Variants in CYGB observed in about 807,000 individuals in gnomAD.
CYGB encodes the protein histoglobin.
Under a neutral mutation model 20.7 loss-of-function variants are expected in CYGB, and 13 were observed. The ratio of observed to expected loss-of-function variants is 0.63; its 90% CI spans 0.41 to 1.00. CYGB has a LOEUF of 1.00. CYGB is among the 50% of genes least tolerant of loss of function. CYGB has a pLI of 0.00. For synonymous variants in CYGB, 93 were observed against 107.4 expected (o/e 0.87, Z 0.83); for missense variants, 218 against 257.2 (o/e 0.85, Z 1.04).
rs1315093720 is a variant in CYGB at position 76,546,072 on chromosome 17, G to C, written c.-53+4790C>G. The C allele has an allele frequency of 6.6e-6, 1 of 152,526 alleles. No individual in the cohort carries two copies. Among genetic ancestry groups the C allele is most frequent in the African/African-American group, 2.4e-5 (1 of 41,450 alleles). 9.4% of individuals were successfully genotyped at this position (152,526 alleles called of 1,614,324 possible). ...ACCTGGACAGCGCCACTCCCAGCTG[G>C]CTCTGCTTCCGGAATGAACCTCAGC... On this transcript the variant is annotated intron_variant, in intron 1 of 3. Coordinates refer to the CYGB transcript ENST00000589145. This position sits in a 1 kb window ranked among gnomAD's most constrained non-coding sequence, Gnocchi z 4.5.
chr17:76,538,473 A>G, upstream of CYGB: 1 of 465,342 alleles, frequency 2.1e-6, no homozygotes, highest in South Asian at 1.6e-5. Flanking sequence ...GGCGGCGGCC[A>G]GAAGTCCCCC....
Position 76,531,089 on chromosome 17 carries a change from G to C in CYGB, c.429C>G (p.Phe143Leu). ...EVVAEEFASD[F>L]PPETQRAWAK... ...CCCAGGCTCTCTGCGTCTCAGGTGGGAAGTCACTGGCAAATTCCTCGGCGA... is the reference window on the plus strand; with the variant it reads ...CCCAGGCTCTCTGCGTCTCAGGTGGCAAGTCACTGGCAAATTCCTCGGCGA... Residue 143 changes from phenylalanine (F) to leucine (L), a missense_variant, in exon 3 of 4, where the codon TTC (phenylalanine) becomes TTG (leucine). Physicochemically the swap from Phe to Leu is conservative, Grantham distance 22 (BLOSUM62 0). Around this residue, in one of 2 missense-constraint regions of CYGB, gnomAD observed 66 missense variants for 107.4 expected, o/e 0.61. Coordinates refer to ENST00000293230, the MANE Select transcript of CYGB (RefSeq NM_134268.5). This position sits in a 1 kb window ranked among gnomAD's most constrained non-coding sequence, Gnocchi z 7.4. 1 of 1,613,756 alleles carries C rather than the reference G, an allele frequency of 6.2e-7. No individual in the cohort carries two copies. Among genetic ancestry groups the C allele is most frequent in the Non-Finnish European group, 8.5e-7 (1 of 1,179,944 alleles).
chr17:76,544,683 C>T (rs1482069542), intron 1 of CYGB: 2 of 456,664 alleles, frequency 4.4e-6, no homozygotes, highest in African/African-American at 4.0e-5. Context: ...ACAGGCCTGT[C>T]AGGCTGAGGG....
Position 76,527,762 on chromosome 17 carries a change from C to T in CYGB, c.*816G>A, listed in dbSNP as rs961795014. The T allele has an allele frequency of 1.1e-5, 5 of 453,928 alleles. No homozygotes were observed. The highest frequency in any genetic ancestry group is 4.0e-5 in the African/African-American group (2 of 49,986). The allele number at this position is 453,928 out of a possible 1,614,324, so 28.1% of individuals were successfully genotyped here. ...GGAGCTAGCGGTCGAGGTTTCTGGA[C>T]TGAGGCCCCTCCCCCAGTGCGGTCA... On this transcript the variant is annotated 3_prime_UTR_variant, in exon 4 of 4. Coordinates refer to ENST00000293230, the MANE Select transcript of CYGB (RefSeq NM_134268.5).
chr17:76,547,643 TCACA>T (rs56118010), intron 1 of CYGB, among the ~76,000 whole-genome samples: 50,346 of 149,702 alleles, frequency 0.34, 10,315 homozygotes, highest in African/African-American at 0.59. Context: ...ACACACACAT[TCACA>T]CACACACACA....
chr17:76,539,059 C>T (rs150573334), upstream of CYGB, among the ~76,000 whole-genome samples: 1,419 of 152,340 alleles, frequency 9.3e-3, 16 homozygotes, highest in African/African-American at 0.032. Flanking sequence ...TGAGGCAGTG[C>T]CTCTGACACT....
At position 76,527,539 on chromosome 17, in the gene CYGB, C is replaced by CA. The variant is rs1341617272; in HGVS notation, c.*1038dup. On this transcript the variant is annotated 3_prime_UTR_variant, in exon 4 of 4. Transcript: ENST00000293230. Reference sequence around the variant, plus strand: ...CATCCTTGAAGACGACACACGTGACCAAGGGGCACACACGGGGGGCCCCCC... The same window carrying CA: ...CATCCTTGAAGACGACACACGTGACCAAAGGGGCACACACGGGGGGCCCCCC... 2.3e-6 allele frequency: 1 copy of CA among 441,748 alleles called. No homozygotes were observed. The highest frequency in any genetic ancestry group is 4.6e-6 in the Non-Finnish European group (1 of 217,138). 27.4% of individuals were successfully genotyped at this position (441,748 alleles called of 1,614,324 possible). A position where few individuals can be genotyped will look rare whatever the true frequency, so the allele number is the denominator to read the frequency against.
At chr17:76,543,453 C>A (rs1034406035) in intron 1 of CYGB, 1 of 339,954 alleles carries the variant, frequency 2.9e-6, no homozygotes, top group South Asian at 2.3e-5. Context: ...GGCTTCCATT[C>A]ATTCTGTAAT....
upstream of CYGB, among the ~76,000 whole-genome samples, chr17:76,538,846 G>C (rs373260750): frequency 3.3e-5 from 5 of 152,370 alleles, no homozygotes; most frequent in South Asian, 2.1e-4. Context: ...GGCTCCCGGC[G>C]ACCCCTGTCC....
upstream of CYGB, chr17:76,538,113 C>T (rs2074943564): frequency 6.5e-6 from 1 of 154,182 alleles, no homozygotes; most frequent in Non-Finnish European, 1.4e-5. Flanking sequence ...ACCCTTCCCG[C>T]GGCGGGGAAC....
In CYGB at chr17:76,528,813, G is replaced by T; in HGVS notation, c.540-202C>A. 9.0e-7 allele frequency: 1 copy of T among 1,116,966 alleles called. No individual in the cohort carries two copies. The highest frequency in any genetic ancestry group is 1.1e-6 in the Non-Finnish European group (1 of 880,578). The allele number at this position is 1,116,966 out of a possible 1,614,324, so 69.2% of individuals were successfully genotyped here. On this transcript the variant is annotated intron_variant, in intron 3 of 3. Transcript: ENST00000293230. This position sits in a 1 kb window ranked among gnomAD's most constrained non-coding sequence, Gnocchi z 5.8. The stretch of plus-strand genomic sequence containing the variant: ...CTGTGTGATCTCAGGCAAGTCTACT[G>T]GCCCATGGGAGCTCCGGATCTTTTT...
chr17:76,537,489 C>T lies in CYGB; in HGVS notation c.54G>A (p.Glu18=). Residue 18 remains glutamate, a synonymous_variant, in exon 1 of 4, where the codon GAG becomes GAA. Transcript: ENST00000293230. The part of the protein sequence containing the change: ...MEIERRERSE[E]LSEAERKAVQ... ...CCGCCTTCCTCTCCGCCTCGGACAGCTCCTCGCTCCGCTCCCTGCGCTCGA... is the reference window on the plus strand; with the variant it reads ...CCGCCTTCCTCTCCGCCTCGGACAGTTCCTCGCTCCGCTCCCTGCGCTCGA... 6.3e-7 allele frequency: 1 copy of T among 1,586,774 alleles called. No homozygotes were observed. Among genetic ancestry groups the T allele is most frequent in the Middle Eastern group, 1.7e-4 (1 of 5,982 alleles).
chr17:76,531,993 C>T lies in CYGB; in HGVS notation c.144-302G>A. 1 of 301,652 alleles carries T rather than the reference C, an allele frequency of 3.3e-6. No homozygotes were observed. Among genetic ancestry groups the T allele is most frequent in the Non-Finnish European group, 6.3e-6 (1 of 159,480 alleles). The allele number at this position is 301,652 out of a possible 1,614,324, so 18.7% of individuals were successfully genotyped here. ...TCCCAAACTCTACACCCCCTTCAAG[C>T]CCTGCTCTAGTCATAGCCGAGAGGG... On this transcript the variant is annotated intron_variant, in intron 1 of 3. Transcript: ENST00000293230. The surrounding 1 kb of genome is among the most constrained non-coding windows in gnomAD (Gnocchi z 7.4).
upstream of CYGB, among the ~76,000 whole-genome samples, chr17:76,538,832 C>T (rs929221419): frequency 6.6e-6 from 1 of 152,270 alleles, no homozygotes; most frequent in African/African-American, 2.4e-5. Flanking sequence ...AGAGATGTCA[C>T]TCAGGCTCCC....
In CYGB at chr17:76,531,095, A is replaced by G; in HGVS notation, c.423T>C (p.Ser141=). The change falls in exon 3 of 4, where the codon AGT becomes AGC. Residue 141 remains serine, a synonymous_variant. Coordinates refer to ENST00000293230, the MANE Select transcript of CYGB (RefSeq NM_134268.5). The surrounding 1 kb of genome is among the most constrained non-coding windows in gnomAD (Gnocchi z 7.4). ...ILEVVAEEFA[S]DFPPETQRAW... Reference sequence around the variant, plus strand: ...CTCTCTGCGTCTCAGGTGGGAAGTCACTGGCAAATTCCTCGGCGACCACCT... The same window carrying G: ...CTCTCTGCGTCTCAGGTGGGAAGTCGCTGGCAAATTCCTCGGCGACCACCT... 6.2e-7 allele frequency: 1 copy of G among 1,613,780 alleles called. No homozygotes were observed. The highest frequency in any genetic ancestry group is 8.5e-7 in the Non-Finnish European group (1 of 1,179,940).
chr17:76,543,678 T>C, intron 1 of CYGB: 1 of 447,806 alleles, frequency 2.2e-6, no homozygotes, highest in South Asian at 1.6e-5. Context: ...TGGGGGTGGT[T>C]TGCTGGCCTG....
intron 1 of CYGB, among the ~76,000 whole-genome samples, chr17:76,535,577 C>CA (rs2074904889): frequency 6.6e-6 from 1 of 152,080 alleles, no homozygotes; most frequent in South Asian, 2.1e-4. Flanking sequence ...GAAGTGGAGT[C>CA]AGAGTGGTGA....
upstream of CYGB, chr17:76,540,263 G>GA: frequency 1.6e-6 from 1 of 610,900 alleles, no homozygotes; most frequent in Non-Finnish European, 2.9e-6. The surrounding 1 kb of genome is among the most constrained non-coding windows in gnomAD (Gnocchi z 5.0). Flanking sequence ...GGGGGGGGGG[G>GA]CATGGGGCTG....
chr17:76,528,407 C>T lies in CYGB; in HGVS notation c.*171G>A. On this transcript the variant is annotated 3_prime_UTR_variant, in exon 4 of 4. Coordinates refer to ENST00000293230, the MANE Select transcript of CYGB (RefSeq NM_134268.5). This position sits in a 1 kb window ranked among gnomAD's most constrained non-coding sequence, Gnocchi z 5.8. ...AGCATCCAGGCAGCCAGCGCCGCCTCCCAGCAGCTCCAGGGGGGGACCCTG... is the reference window on the plus strand; with the variant it reads ...AGCATCCAGGCAGCCAGCGCCGCCTTCCAGCAGCTCCAGGGGGGGACCCTG... 2 of 566,474 alleles carry T rather than the reference C, an allele frequency of 3.5e-6. No individual in the cohort carries two copies. Among genetic ancestry groups the T allele is most frequent in the Non-Finnish European group, 5.4e-6 (2 of 372,408 alleles). 35.1% of individuals were successfully genotyped at this position (566,474 alleles called of 1,614,324 possible). A position where few individuals can be genotyped will look rare whatever the true frequency, so the allele number is the denominator to read the frequency against.
Sources: gnomAD v4.1 joint callset for allele counts (sites outside exome capture counted in the v4.1 genomes callset) on GRCh38, gnomAD v4.1.1 for gene constraint, gnomAD v4.1.1 regional missense constraint, Gnocchi (gnomAD v3.1) non-coding constraint, MANE v1.5 for transcripts, NCBI Gene and HGNC (gene_info 2026-07-23, HGNC 2026-07-21) for gene names.